Variants in RNF34 observed in about 807,000 individuals in gnomAD.
RNF34 encodes E3 ubiquitin-protein ligase RNF34.
Under a neutral mutation model 37.9 loss-of-function variants are expected in RNF34, and 12 were observed. That is an observed-to-expected ratio of 0.32 (90% CI 0.20 to 0.51). RNF34 has a LOEUF of 0.51. RNF34 is among the 20% of genes least tolerant of loss of function. The pLI is 0.97. For missense variants in RNF34, 362 were observed against 472.7 expected, an observed-to-expected ratio of 0.77 and a Z score of 2.17; for synonymous variants, 155 against 177.2, an observed-to-expected ratio of 0.87 and a Z score of 1.00.
Position 121,420,233 on chromosome 12 carries a change from T to C in RNF34, c.634-9T>C, listed in dbSNP as rs782643365. On this transcript the variant is annotated splice_polypyrimidine_tract_variant and intron_variant, in intron 3 of 5. Coordinates refer to ENST00000361234, the MANE Select transcript of RNF34 (RefSeq NM_025126.4). ...TCCTGACCTAATCAGATACGTTGTA[T>C]AAGTGTAGGTACAAAGTGAAATCAC... is the stretch of plus-strand genomic sequence containing the variant. The C allele has an allele frequency of 5.0e-6, 8 of 1,609,066 alleles. No homozygotes were observed. In the East Asian group the frequency reaches 1.8e-4, roughly 36 times the overall value.
Position 121,423,807 on chromosome 12 carries a change from A to C in RNF34, c.*231A>C, listed in dbSNP as rs1555283884. 1 of 496,886 alleles carries C rather than the reference A, an allele frequency of 2.0e-6. No homozygotes were observed. Among genetic ancestry groups the C allele is most frequent in the East Asian group, 3.5e-5 (1 of 28,774 alleles). 30.8% of individuals were successfully genotyped at this position (496,886 alleles called of 1,614,324 possible). ...CCCGGGCTCAGCTGGGCTTTATCAC[A>C]CATCCCGTGAACACTCATTGAAGTC... On this transcript the variant is annotated 3_prime_UTR_variant, in exon 6 of 6. Coordinates refer to ENST00000361234, the MANE Select transcript of RNF34 (RefSeq NM_025126.4). The surrounding 1 kb of genome is among the most constrained non-coding windows in gnomAD (Gnocchi z 4.3).
At chr12:121,404,108 G>A (rs757317110) in intron 1 of RNF34, among the ~76,000 whole-genome samples, 3 of 150,824 alleles carry the variant, frequency 2.0e-5, no homozygotes, top group Admixed American at 2.0e-4. Context: ...TCTGCCTCTC[G>A]GGTTCAAACA....
chr12:121,410,545 C>CA (rs59253955), intron 1 of RNF34, among the ~76,000 whole-genome samples: 123 of 137,726 alleles, frequency 8.9e-4, no homozygotes, highest in African/African-American at 1.2e-3. Context: ...TCAAAACCAC[C>CA]AAAAAAAAAA....
chr12:121,408,723 A>G (rs576368857), intron 1 of RNF34, among the ~76,000 whole-genome samples: 4 of 152,328 alleles, frequency 2.6e-5, no homozygotes, highest in African/African-American at 9.6e-5. Context: ...GAGGTGAAGA[A>G]GGACAAAAAC....
At chr12:121,412,724 CTTTT>C (rs1409875276) in intron 1 of RNF34, among the ~76,000 whole-genome samples, 3 of 121,912 alleles carry the variant, frequency 2.5e-5, no homozygotes, top group Non-Finnish European at 3.5e-5. Context: ...GATGTTCATG[CTTTT>C]TTTTTTTTTT....
In RNF34 at chr12:121,400,356, C is replaced by A. The variant is rs1593640254; in HGVS notation, c.6+138C>A. 7 of 1,096,546 alleles carry A rather than the reference C, an allele frequency of 6.4e-6. No homozygotes were observed. The East Asian group carries it at 2.0e-4, about 31-fold the overall frequency. 67.9% of individuals were successfully genotyped at this position (1,096,546 alleles called of 1,614,324 possible). ...AGCTGCGCTGAGGGGGGTCGCTTGCCCGGCTTCAGGTGCCCCAACCGAGCC... is the reference window on the plus strand; with the variant it reads ...AGCTGCGCTGAGGGGGGTCGCTTGCACGGCTTCAGGTGCCCCAACCGAGCC... On this transcript the variant is annotated intron_variant, in intron 1 of 5. Transcript: ENST00000361234.
At chr12:121,405,508 G>C (rs1054637565) in intron 1 of RNF34, among the ~76,000 whole-genome samples, 1 of 152,080 alleles carries the variant, frequency 6.6e-6, no homozygotes, top group African/African-American at 2.4e-5. Flanking sequence ...TTTTGAGACA[G>C]GGTCTTGCTC....
At position 121,417,928 on chromosome 12, in the gene RNF34, A is replaced by G. The variant is rs782242313; in HGVS notation, c.633+17A>G. The stretch of plus-strand genomic sequence containing the variant: ...CCGGCACAGGTACGAGGGGGTAACT[A>G]ATTACACCCAGGGCCCGGCACGCTT... On this transcript the variant is annotated intron_variant, in intron 3 of 5. Transcript: ENST00000361234. The surrounding 1 kb of genome is among the most constrained non-coding windows in gnomAD (Gnocchi z 5.0). The G allele has an allele frequency of 6.2e-7, 1 of 1,608,530 alleles. No individual in the cohort carries two copies. The highest frequency in any genetic ancestry group is 8.5e-7 in the Non-Finnish European group (1 of 1,177,466).
At chr12:121,420,545 G>T in intron 4 of RNF34, 32 bp from the exon 5 acceptor site, 1 of 1,608,546 alleles carries the variant, frequency 6.2e-7, no homozygotes, top group Non-Finnish European at 8.5e-7. Context: ...GGACTTATGG[G>T]ACCAGGGCTA....
chr12:121,421,390 A>AAC lies in RNF34; in HGVS notation c.928+613_928+614insCA, dbSNP rs1300373554. On this transcript the variant is annotated intron_variant, in intron 5 of 5. Coordinates refer to ENST00000361234, the MANE Select transcript of RNF34 (RefSeq NM_025126.4). ...CATCTCTAAAAAAAAAAAAAAAAAA[A>AAC]AAAAAAAACCAAAAAAACCTGGTGT... Among the ~76,000 whole-genome samples the AAC allele has an allele frequency of 5.4e-5, 8 of 148,574 alleles. No individual in the cohort carries two copies. The South Asian group carries it at 1.3e-3, about 24-fold the overall frequency.
chr12:121,418,236 G>A (rs1871760678), intron 3 of RNF34: 2 of 261,754 alleles, frequency 7.6e-6, no homozygotes, highest in South Asian at 1.5e-4. Context: ...CACATTTGTA[G>A]TGTTATGTGT....
rs782139970 is a variant in RNF34 at position 121,416,194 on chromosome 12, G to T, written c.42G>T (p.Gly14=). ...GATSMWASCC[G]LLNEVMGTGA... ...CGTCTATGTGGGCTTCGTGCTGTGGGCTGCTGAATGAAGTCATGGGAACTG... is the reference window on the plus strand; with the variant it reads ...CGTCTATGTGGGCTTCGTGCTGTGGTCTGCTGAATGAAGTCATGGGAACTG... The change falls in exon 2 of 6, where the codon GGG becomes GGT. Residue 14 remains glycine, a synonymous_variant. Coordinates refer to ENST00000361234, the MANE Select transcript of RNF34 (RefSeq NM_025126.4). The T allele has an allele frequency of 6.2e-7, 1 of 1,614,110 alleles. No homozygotes were observed. Among genetic ancestry groups the T allele is most frequent in the Non-Finnish European group, 8.5e-7 (1 of 1,180,010 alleles).
chr12:121,416,055 G>A (rs2137062979), intron 1 of RNF34, 104 bp from the exon 2 acceptor site: 3 of 874,276 alleles, frequency 3.4e-6, no homozygotes, highest in Non-Finnish European at 5.5e-6. Flanking sequence ...TAATCTCAAA[G>A]TTATTGAGGG....
At position 121,402,742 on chromosome 12, in the gene RNF34, G is replaced by A. The variant is rs1390488868; in HGVS notation, c.6+2524G>A. On this transcript the variant is annotated intron_variant, in intron 1 of 5. Coordinates refer to ENST00000361234, the MANE Select transcript of RNF34 (RefSeq NM_025126.4). The stretch of plus-strand genomic sequence containing the variant: ...CTTTTCCTTTTTTTTTCTCTGAAAG[G>A]TGGGGGAGTGGTACTAAGGATCAAG... The A allele has an allele frequency of 3.8e-6, 6 of 1,588,430 alleles. No individual in the cohort carries two copies. In the African/African-American group the frequency reaches 8.1e-5, roughly 22 times the overall value.
intron 3 of RNF34, among the ~76,000 whole-genome samples, chr12:121,419,410 G>A (rs183849858): frequency 1.3e-5 from 2 of 152,330 alleles, no homozygotes; most frequent in South Asian, 2.1e-4. Context: ...TACTGTAGTC[G>A]TAAATTAGAT....
intron 1 of RNF34, among the ~76,000 whole-genome samples, 179 bp downstream of exon 1, chr12:121,400,397 AC>A (rs1869860531): frequency 6.6e-6 from 1 of 152,024 alleles, no homozygotes; most frequent in African/African-American, 2.4e-5. Context: ...AGGCTGCCGG[AC>A]CCTCTCGAGC....
chr12:121,408,587 A>G (rs548797351), intron 1 of RNF34, among the ~76,000 whole-genome samples: 2 of 152,208 alleles, frequency 1.3e-5, no homozygotes, highest in South Asian at 4.1e-4. Flanking sequence ...TGCCCTGAGG[A>G]GGCATGCAGA....
intron 1 of RNF34, among the ~76,000 whole-genome samples, chr12:121,409,165 A>G (rs1376433688): frequency 6.6e-6 from 1 of 152,068 alleles, no homozygotes; most frequent in Non-Finnish European, 1.5e-5. Flanking sequence ...TTTTTAGTAG[A>G]GACGGGGTTT....
chr12:121,413,810 C>T (rs1375822247), intron 1 of RNF34, among the ~76,000 whole-genome samples: 1 of 151,556 alleles, frequency 6.6e-6, no homozygotes, highest in African/African-American at 2.4e-5. Flanking sequence ...CTCCTGATCT[C>T]GTGATCCACC....
Sources: allele counts gnomAD v4.1 joint callset (sites outside exome capture counted in the v4.1 genomes callset), GRCh38; gene constraint gnomAD v4.1.1; non-coding constraint Gnocchi (gnomAD v3.1); transcripts MANE v1.5; gene names NCBI Gene and HGNC (gene_info 2026-07-23, HGNC 2026-07-21).